Variants in GALNT13 observed in about 807,000 individuals in gnomAD.
GALNT13 encodes the protein polypeptide N-acetylgalactosaminyltransferase 13.
Under a neutral mutation model 64.2 loss-of-function variants are expected in GALNT13, and 28 were observed. The observed-to-expected ratio is 0.44, with a 90% CI of 0.32 to 0.60. The LOEUF (loss-of-function observed/expected upper bound fraction) is 0.60. GALNT13 is among the 20% of genes least tolerant of loss of function. The pLI is 0.05. For synonymous variants in GALNT13, 214 were observed against 224.6 expected (o/e 0.95, Z 0.42); for missense variants, 577 against 669.8 (o/e 0.86, Z 1.53).
At position 153,900,353 on chromosome 2, in the gene GALNT13, T is replaced by G. The variant is rs956817825; in HGVS notation, c.-176-583T>G. On this transcript the variant is annotated intron_variant, in intron 1 of 12. Coordinates refer to ENST00000392825, the MANE Select transcript of GALNT13 (RefSeq NM_052917.4). ...TCTCCTCATAATCACATTGATATTC[T>G]GAAACACAGAGAATGGAACTGTTTG... Among the ~76,000 whole-genome samples the G allele has an allele frequency of 1.4e-4, 22 of 152,206 alleles. 1 individual carries two copies. The highest frequency in any genetic ancestry group is 4.6e-4 in the African/African-American group (19 of 41,452).
At chr2:153,636,743 A>T in the GALNT13 span, among the ~76,000 whole-genome samples, 17 of 152,130 alleles carry the variant, frequency 1.1e-4, no homozygotes, top group Non-Finnish European at 2.1e-4. Context: ...CCTCTGAAAT[A>T]ACATGTTCAA....
intron 3 of GALNT13, among the ~76,000 whole-genome samples, chr2:154,059,875 G>C (rs998054805): frequency 6.6e-6 from 1 of 152,134 alleles, no homozygotes. Context: ...GTGTGGGCAC[G>C]GTTAAGAGAA....
chr2:153,479,876 ATTGCATGTT>A, the GALNT13 span, among the ~76,000 whole-genome samples: 3 of 152,118 alleles, frequency 2.0e-5, no homozygotes, highest in East Asian at 5.8e-4. Flanking sequence ...CTGAAAGAAT[ATTGCATGTT>A]CCCGCTCCCC....
intron 11 of GALNT13, among the ~76,000 whole-genome samples, chr2:154,432,592 C>A (rs1700759439): frequency 6.6e-6 from 1 of 152,186 alleles, no homozygotes; most frequent in Non-Finnish European, 1.5e-5. Flanking sequence ...AAGTGCCATA[C>A]TCCCTCTGAA....
chr2:153,675,873 G>C, the GALNT13 span, among the ~76,000 whole-genome samples: 1 of 152,000 alleles, frequency 6.6e-6, no homozygotes. Context: ...GCAGTGCTAA[G>C]AGGAAAATTT....
intron 4 of GALNT13, among the ~76,000 whole-genome samples, chr2:154,179,537 C>G (rs1685842114): frequency 6.6e-6 from 1 of 152,000 alleles, no homozygotes; most frequent in Non-Finnish European, 1.5e-5. Flanking sequence ...GCAAAACTGT[C>G]AAATGTGGAA....
the GALNT13 span, among the ~76,000 whole-genome samples, chr2:153,517,611 T>C: frequency 6.6e-6 from 1 of 152,142 alleles, no homozygotes. Context: ...CAAATTTCCA[T>C]GAGTCCTTAC....
chr2:153,922,664 A>C (rs1982311), intron 2 of GALNT13, among the ~76,000 whole-genome samples: 31,141 of 151,884 alleles, frequency 0.21, 4,081 homozygotes, highest in Middle Eastern at 0.33. Context: ...TCCTTCCCCC[A>C]ACCCTTACTC....
chr2:153,918,229 C>A (rs1371169112), intron 2 of GALNT13, among the ~76,000 whole-genome samples: 2 of 152,078 alleles, frequency 1.3e-5, no homozygotes, highest in East Asian at 3.9e-4. Flanking sequence ...GTAAAAATAT[C>A]TTTCTACCAC....
chr2:153,871,756 G>A (rs1447884400), upstream of GALNT13, among the ~76,000 whole-genome samples: 1 of 152,184 alleles, frequency 6.6e-6, no homozygotes, highest in Non-Finnish European at 1.5e-5. Context: ...CCGGGGAGGA[G>A]CGGGAGCAGG....
the GALNT13 span, among the ~76,000 whole-genome samples, chr2:153,087,040 G>C: frequency 6.6e-6 from 1 of 152,040 alleles, no homozygotes. Flanking sequence ...TGATGAAAGC[G>C]GGCATCCATG....
the GALNT13 span, among the ~76,000 whole-genome samples, chr2:153,757,613 G>GGGTT: frequency 6.6e-6 from 1 of 151,820 alleles, no homozygotes; most frequent in Non-Finnish European, 1.5e-5. Context: ...TAGTCTAGTA[G>GGGTT]GGTTCTCTTT....
At chr2:154,221,313 A>C (rs1688311145) in intron 4 of GALNT13, among the ~76,000 whole-genome samples, 1 of 152,062 alleles carries the variant, frequency 6.6e-6, no homozygotes, top group African/African-American at 2.4e-5. Context: ...ATTGTATTAG[A>C]CAATAATAAT....
At chr2:153,261,830 G>A in the GALNT13 span, among the ~76,000 whole-genome samples, 126,324 of 151,906 alleles carry the variant, frequency 0.83, 53,763 homozygotes, top group African/African-American at 0.93. Context: ...GTCTCTTCCC[G>A]TGGCCACCAC....
At chr2:153,127,508 A>G in the GALNT13 span, among the ~76,000 whole-genome samples, 82,519 of 151,854 alleles carry the variant, frequency 0.54, 23,921 homozygotes, top group South Asian at 0.72. Flanking sequence ...ACATTCATGG[A>G]CATCTTGATA....
At chr2:154,001,828 A>G (rs2105222467) in intron 3 of GALNT13, among the ~76,000 whole-genome samples, 1 of 152,090 alleles carries the variant, frequency 6.6e-6, no homozygotes, top group East Asian at 1.9e-4. Flanking sequence ...TCCTTTTAGC[A>G]TTTATTCAAA....
At chr2:153,712,860 T>C in the GALNT13 span, among the ~76,000 whole-genome samples, 4,582 of 152,182 alleles carry the variant, frequency 0.03, 237 homozygotes, top group African/African-American at 0.1. Context: ...GCTATCTGTG[T>C]CCCATAGAGA....
intron 1 of GALNT13, among the ~76,000 whole-genome samples, chr2:153,874,189 A>G (rs1686199839): frequency 1.4e-5 from 2 of 142,964 alleles, no homozygotes. Context: ...TGGGAATTGG[A>G]TAGGTCTGGA....
the GALNT13 span, among the ~76,000 whole-genome samples, chr2:153,260,225 G>C: frequency 6.6e-6 from 1 of 152,154 alleles, no homozygotes; most frequent in Non-Finnish European, 1.5e-5. Flanking sequence ...TTCTACTTAA[G>C]ATATGAGTAG....
Sources: allele counts gnomAD v4.1 joint callset (sites outside exome capture counted in the v4.1 genomes callset), GRCh38; gene constraint gnomAD v4.1.1; transcripts MANE v1.5; gene names NCBI Gene and HGNC (gene_info 2026-07-23, HGNC 2026-07-21).